Variants in SLC20A2 observed in about 807,000 individuals in gnomAD.
The protein encoded by SLC20A2 is solute carrier family 20 member 2, also known as sodium-dependent phosphate transporter 2.
A neutral mutation model predicts 61.0 loss-of-function variants in SLC20A2; 30 were observed. The observed-to-expected ratio is 0.49, with a 90% CI of 0.37 to 0.67. The LOEUF (loss-of-function observed/expected upper bound fraction) is 0.67, where lower values mean the gene tolerates loss of function less well. Ranked by LOEUF, SLC20A2 falls within the 30% of genes least tolerant of loss-of-function variation. SLC20A2 has a pLI of 0.00. For missense variants in SLC20A2, 626 were observed against 866.4 expected, an observed-to-expected ratio of 0.72 and a Z score of 3.48; for synonymous variants, 351 against 353.3, an observed-to-expected ratio of 0.99 and a Z score of 0.07.
At chr8:42,434,604 CT>C (rs780482444) in intron 8 of SLC20A2, among the ~76,000 whole-genome samples, 1 of 152,206 alleles carries the variant, frequency 6.6e-6, no homozygotes, top group Non-Finnish European at 1.5e-5. Flanking sequence ...ACACCCGCCC[CT>C]GGCTCAGAGG....
intron 1 of SLC20A2, among the ~76,000 whole-genome samples, chr8:42,493,112 ACTCT>A (rs1246057985): frequency 6.6e-6 from 1 of 152,118 alleles, no homozygotes; most frequent in Non-Finnish European, 1.5e-5. Flanking sequence ...CTTAGGAGAG[ACTCT>A]CTCAATGACC....
intron 1 of SLC20A2, among the ~76,000 whole-genome samples, chr8:42,476,147 A>G (rs1234900351): frequency 8.7e-6 from 1 of 115,530 alleles, no homozygotes; most frequent in Non-Finnish European, 1.6e-5. Flanking sequence ...CCCAGGCTGG[A>G]GTGCAGTGGC....
intron 1 of SLC20A2, among the ~76,000 whole-genome samples, chr8:42,482,719 C>G (rs1808644043): frequency 7.0e-6 from 1 of 142,036 alleles, no homozygotes; most frequent in Non-Finnish European, 1.6e-5. Flanking sequence ...AGGACCCTGT[C>G]TTTAAAAAAA....
Position 42,518,683 on chromosome 8 carries a change from G to T in SLC20A2, c.-265+23138C>A, listed in dbSNP as rs1811467950. Among the ~76,000 whole-genome samples the T allele has an allele frequency of 2.0e-5, 3 of 152,184 alleles. No individual in the cohort carries two copies. In the South Asian group the frequency reaches 6.2e-4, roughly 32 times the overall value. On this transcript the variant is annotated intron_variant, in intron 1 of 10. Transcript: ENST00000342228. ...AAAGAATTAAGCTAGAAAAAGAGAA[G>T]AATGTGGCCCACAATAGGCCCTGTC...
At chr8:42,498,633 G>C (rs984713394) in intron 1 of SLC20A2, among the ~76,000 whole-genome samples, 2 of 151,988 alleles carry the variant, frequency 1.3e-5, no homozygotes, top group African/African-American at 2.4e-5. Context: ...TCCTCCTGAG[G>C]GCCATATCCC....
In SLC20A2 at chr8:42,417,913, G is replaced by A. The variant is rs537867998; in HGVS notation, c.1849C>T (p.Arg617Cys). 1.9e-5 allele frequency: 30 copies of A among 1,613,766 alleles called. No individual in the cohort carries two copies. The African/African-American group carries it at 2.1e-4, about 11-fold the overall frequency. Residue 617 changes from arginine (R) to cysteine (C), a missense_variant, in exon 11 of 11, where the codon CGC (arginine) becomes TGC (cysteine). Arg to Cys is a radical substitution (Grantham distance 180). Transcript: ENST00000520262. ...WIRSRKAVDWRLFRNIFVAWF... is the reference protein window; with the variant it reads ...WIRSRKAVDWCLFRNIFVAWF... ...GCCACGAAGATGTTCCGAAAGAGGC[G>A]CCAGTCCACAGCCTTGCGGGAGCGG...
Position 42,472,614 on chromosome 8 carries a change from A to G in SLC20A2, c.-224T>C. On this transcript the variant is annotated 5_prime_UTR_variant, in exon 2 of 11. The change abolishes an upstream ATG in the 5' untranslated region. Transcript: ENST00000520262. This position sits in a 1 kb window ranked among gnomAD's most constrained non-coding sequence, Gnocchi z 4.1. The stretch of plus-strand genomic sequence containing the variant: ...TTCAGTCAGCGGTAAAACACATTCC[A>G]TATTTTTCCTCCCGATCTGGGAAAG... The G allele has an allele frequency of 2.0e-6, 1 of 497,264 alleles. No homozygotes were observed. Among genetic ancestry groups the G allele is most frequent in the Non-Finnish European group, 3.6e-6 (1 of 279,060 alleles). The allele number at this position is 497,264 out of a possible 1,614,324, so 30.8% of individuals were successfully genotyped here.
At chr8:42,525,776 A>G (rs938789057) in intron 1 of SLC20A2, among the ~76,000 whole-genome samples, 9 of 152,132 alleles carry the variant, frequency 5.9e-5, no homozygotes, top group African/African-American at 1.7e-4. Flanking sequence ...AATACCATGC[A>G]GATATTTAAA....
At chr8:42,508,711 A>G (rs1810866772) in intron 1 of SLC20A2, among the ~76,000 whole-genome samples, 1 of 152,102 alleles carries the variant, frequency 6.6e-6, no homozygotes, top group African/African-American at 2.4e-5. Flanking sequence ...ATTTGAATGG[A>G]GCCTTCTCCT....
intron 5 of SLC20A2, among the ~76,000 whole-genome samples, chr8:42,452,660 A>G (rs1451229684): frequency 6.7e-6 from 1 of 149,864 alleles, no homozygotes; most frequent in Admixed American, 6.6e-5. Context: ...AAAGAGGAGG[A>G]GACAGAGATG....
At chr8:42,532,790 A>T (rs1001887138) in intron 1 of SLC20A2, among the ~76,000 whole-genome samples, 15 of 152,200 alleles carry the variant, frequency 9.9e-5, no homozygotes, top group Non-Finnish European at 2.2e-4. Context: ...ACAAAGCAGG[A>T]CTGACCGGGC....
chr8:42,438,679 G>T (rs566282903), intron 7 of SLC20A2, among the ~76,000 whole-genome samples: 2 of 152,214 alleles, frequency 1.3e-5, no homozygotes, highest in Non-Finnish European at 2.9e-5. Context: ...CAAACATTGA[G>T]AGTCTAAAGG....
At position 42,437,193 on chromosome 8, in the gene SLC20A2, A is replaced by G. The variant is rs1371852874; in HGVS notation, c.1319T>C (p.Val440Ala). 6.2e-7 allele frequency: 1 copy of G among 1,613,432 alleles called. No homozygotes were observed. The highest frequency in any genetic ancestry group is 8.5e-7 in the Non-Finnish European group (1 of 1,180,006). The change falls in exon 8 of 11, where the codon GTG (valine) becomes GCG (alanine). Residue 440 changes from valine (V) to alanine (A), a missense_variant. Physicochemically the swap from Val to Ala is moderately conservative, Grantham distance 64. Coordinates refer to ENST00000520262, the MANE Select transcript of SLC20A2 (RefSeq NM_001257180.2). This position sits in a 1 kb window ranked among gnomAD's most constrained non-coding sequence, Gnocchi z 6.4. Reference sequence around the variant, plus strand: ...CTCCGCCTCGATCTCCGCCTCTGCCACCGCGTTACAGTAGCTCGAGTAGCT... The same window carrying G: ...CTCCGCCTCGATCTCCGCCTCTGCCGCCGCGTTACAGTAGCTCGAGTAGCT... ...YDSYSSYCNAVAEAEIEAEEG... is the reference protein window; with the variant it reads ...YDSYSSYCNAAAEAEIEAEEG...
chr8:42,432,197 G>A (rs539135317), intron 8 of SLC20A2, among the ~76,000 whole-genome samples: 2 of 152,312 alleles, frequency 1.3e-5, no homozygotes, highest in South Asian at 2.1e-4. Context: ...GGGAGGAAGT[G>A]CAAATACCAA....
chr8:42,449,331 A>C (rs149490162), intron 5 of SLC20A2, among the ~76,000 whole-genome samples: 243 of 152,322 alleles, frequency 1.6e-3, no homozygotes, highest in African/African-American at 5.5e-3. Flanking sequence ...AGCGCCTTTC[A>C]TTTGCGGAGC....
In SLC20A2 at chr8:42,439,696, C is replaced by A. The variant is rs117743429; in HGVS notation, c.731-43G>T. ...ATACTGAACATTCTGGAAGAGAGTT[C>A]TTATTATTGAAACATGAATATTAAA... On this transcript the variant is annotated intron_variant, in intron 6 of 10. Transcript: ENST00000520262. The A allele has an allele frequency of 0.016, 22,096 of 1,354,272 alleles. 256 individuals are homozygous for A. The highest frequency in any genetic ancestry group is 0.038 in the Middle Eastern group (210 of 5,528). The allele number at this position is 1,354,272 out of a possible 1,614,324, so 83.9% of individuals were successfully genotyped here. A position where few individuals can be genotyped will look rare whatever the true frequency, so the allele number is the denominator to read the frequency against.
intron 1 of SLC20A2, among the ~76,000 whole-genome samples, chr8:42,519,843 T>C (rs1811536575): frequency 6.6e-6 from 1 of 152,070 alleles, no homozygotes; most frequent in African/African-American, 2.4e-5. Context: ...CTCTGATAAT[T>C]TATCATGTAT....
At chr8:42,458,392 G>A (rs1317186563) in intron 5 of SLC20A2, among the ~76,000 whole-genome samples, 2 of 150,722 alleles carry the variant, frequency 1.3e-5, no homozygotes, top group Admixed American at 6.6e-5. Context: ...TTGGGAAGCT[G>A]AGGCAGGAGG....
chr8:42,497,475 C>T lies in SLC20A2; in HGVS notation c.-265+3556G>A, dbSNP rs12675458. 3.9e-5 allele frequency among the ~76,000 whole-genome samples: 6 copies of T among 152,214 alleles called. No homozygotes were observed. In the East Asian group the frequency reaches 9.7e-4, roughly 24 times the overall value. ...CTCACATGTTTCCAGGCGGTGCTGACGCTGAAGAAACAGGGTCCCCACTGT... is the reference window on the plus strand; with the variant it reads ...CTCACATGTTTCCAGGCGGTGCTGATGCTGAAGAAACAGGGTCCCCACTGT... On this transcript the variant is annotated intron_variant, in intron 1 of 10. Coordinates refer to ENST00000520262, the MANE Select transcript of SLC20A2 (RefSeq NM_001257180.2).
Sources: allele counts gnomAD v4.1 joint callset (sites outside exome capture counted in the v4.1 genomes callset), GRCh38; gene constraint gnomAD v4.1.1; non-coding constraint Gnocchi (gnomAD v3.1); transcripts MANE v1.5; gene names NCBI Gene and HGNC (gene_info 2026-07-23, HGNC 2026-07-21).